Variants in AP3B1 observed in about 807,000 individuals in gnomAD.
AP3B1 encodes AP-3 complex subunit beta-1.
A neutral mutation model predicts 132.5 loss-of-function variants in AP3B1; 61 were observed. That is an observed-to-expected ratio of 0.46 (90% CI 0.37 to 0.57). AP3B1 has a LOEUF of 0.57. Among genes scored for constraint, AP3B1 ranks in the 20% least tolerant of loss-of-function variants. AP3B1 has a pLI of 0.00. For synonymous variants in AP3B1, 388 were observed against 438.3 expected, an observed-to-expected ratio of 0.89 and a Z score of 1.43; for missense variants, 1,120 against 1,289.4, an observed-to-expected ratio of 0.87 and a Z score of 2.01.
At chr5:78,144,151 T>C (rs2112332581) in intron 14 of AP3B1, among the ~76,000 whole-genome samples, 1 of 152,166 alleles carries the variant, frequency 6.6e-6, no homozygotes, top group Non-Finnish European at 1.5e-5. Flanking sequence ...GAGTCATACA[T>C]ATGATATAAT....
At chr5:78,055,016 GACACACACACACACACACACAC>G (rs3050076) in intron 22 of AP3B1, among the ~76,000 whole-genome samples, 2 of 144,644 alleles carry the variant, frequency 1.4e-5, no homozygotes, top group Non-Finnish European at 1.5e-5. Flanking sequence ...CAGACCTACA[GACACACACACACACACACACAC>G]ACACACACAC....
intron 1 of AP3B1, among the ~76,000 whole-genome samples, chr5:78,271,054 C>G (rs1173930803): frequency 6.6e-6 from 1 of 152,128 alleles, no homozygotes; most frequent in Non-Finnish European, 1.5e-5. Context: ...GGCACAAAGC[C>G]TCCACTTAAT....
At chr5:78,104,498 G>A (rs1014463888) in intron 20 of AP3B1, among the ~76,000 whole-genome samples, 1 of 151,974 alleles carries the variant, frequency 6.6e-6, no homozygotes, top group African/African-American at 2.4e-5. Context: ...TAAACTGAGA[G>A]GCAAGGCTTT....
rs575424569 is a variant in AP3B1 at position 78,092,417 on chromosome 5, C to A, written c.2471-2918G>T. Among the ~76,000 whole-genome samples, 165 of 152,262 alleles carry A rather than the reference C, an allele frequency of 1.1e-3. No individual in the cohort carries two copies. In the South Asian group the frequency reaches 0.015, roughly 13 times the overall value. ...TTGAAAGCTTACCCTAAAGTGAATT[C>A]TGAGGCTAGGTGACTGTGCTGAAGT... On this transcript the variant is annotated intron_variant, in intron 21 of 26. Coordinates refer to ENST00000255194, the MANE Select transcript of AP3B1 (RefSeq NM_003664.5).
intron 7 of AP3B1, among the ~76,000 whole-genome samples, chr5:78,212,642 A>C (rs561630397): frequency 6.6e-6 from 1 of 152,314 alleles, no homozygotes; most frequent in South Asian, 2.1e-4. Context: ...GAAACAACAC[A>C]TTCAAGTGTT....
intron 12 of AP3B1, 67 bp downstream of exon 12, chr5:78,165,543 A>G (rs769259909): frequency 4.2e-5 from 45 of 1,074,944 alleles, no homozygotes; most frequent in African/African-American, 7.8e-5. Flanking sequence ...TCTAGATAGA[A>G]AAAGATGCAT....
intron 24 of AP3B1, among the ~76,000 whole-genome samples, chr5:78,026,216 A>G (rs1020910461): frequency 9.9e-5 from 15 of 152,244 alleles, no homozygotes; most frequent in Middle Eastern, 3.2e-3. Context: ...AACAGTTACC[A>G]GATCAATGAA....
Position 78,166,117 on chromosome 5 carries a change from TCACACACACACACACACACACACA to T in AP3B1, c.1168-469_1168-446del, listed in dbSNP as rs70997970. ...CCTGGGAAACAAGACTGAAACTCTG[TCACACACACACACACACACACACA>T]CACACACACACACACACACACACAC... On this transcript the variant is annotated intron_variant, in intron 11 of 26. Coordinates refer to ENST00000255194, the MANE Select transcript of AP3B1 (RefSeq NM_003664.5). 1.4e-4 allele frequency among the ~76,000 whole-genome samples: 19 copies of T among 135,922 alleles called. No homozygotes were observed. The East Asian group carries it at 1.8e-3, about 13-fold the overall frequency. 89.2% of individuals were successfully genotyped at this position (135,922 alleles called of 152,430 possible). A position where few individuals can be genotyped will look rare whatever the true frequency, so the allele number is the denominator to read the frequency against.
At position 78,015,560 on chromosome 5, in the gene AP3B1, A is replaced by G. The variant is rs759178337; in HGVS notation, c.2993-12T>C. Reference sequence around the variant, plus strand: ...TCCTGTTAGCACTCCTGTAAAAGCAAAAGAAGGCTCCCTTTTATTAATTTC... The same window carrying G: ...TCCTGTTAGCACTCCTGTAAAAGCAGAAGAAGGCTCCCTTTTATTAATTTC... On this transcript the variant is annotated splice_polypyrimidine_tract_variant and intron_variant, in intron 25 of 26. Coordinates refer to ENST00000255194, the MANE Select transcript of AP3B1 (RefSeq NM_003664.5). The G allele has an allele frequency of 1.2e-6, 2 of 1,613,126 alleles. No homozygotes were observed. Among genetic ancestry groups the G allele is most frequent in the South Asian group, 2.2e-5 (2 of 90,916 alleles).
intron 2 of AP3B1, among the ~76,000 whole-genome samples, chr5:78,250,937 G>A (rs970073986): frequency 1.3e-5 from 2 of 152,282 alleles, no homozygotes; most frequent in African/African-American, 4.8e-5. Context: ...GGAAAGGTTA[G>A]AGAGGTCAAT....
intron 17 of AP3B1, among the ~76,000 whole-genome samples, chr5:78,123,707 G>C (rs1403355350): frequency 1.3e-5 from 2 of 151,974 alleles, no homozygotes; most frequent in East Asian, 3.9e-4. Flanking sequence ...AACAGGTGCT[G>C]GAGAGGATGT....
rs77436080 is a variant in AP3B1 at position 78,117,090 on chromosome 5, G to A, written c.1969-856C>T. 2.6e-3 allele frequency among the ~76,000 whole-genome samples: 390 copies of A among 149,820 alleles called. 4 individuals are homozygous for A. Among genetic ancestry groups the A allele is most frequent in the African/African-American group, 9.3e-3 (376 of 40,548 alleles). ...TGATCTGCTCTGGCCATGCCTTACTGTTCCTCCAAACGTCCCAGGCATGCT... is the reference window on the plus strand; with the variant it reads ...TGATCTGCTCTGGCCATGCCTTACTATTCCTCCAAACGTCCCAGGCATGCT... On this transcript the variant is annotated intron_variant, in intron 17 of 26. Coordinates refer to ENST00000255194, the MANE Select transcript of AP3B1 (RefSeq NM_003664.5).
chr5:78,153,417 C>CTT lies in AP3B1; in HGVS notation c.1473+2839_1473+2840dup, dbSNP rs151309501. On this transcript the variant is annotated intron_variant, in intron 14 of 26. Transcript: ENST00000255194. ...CAGCATGGAATGTCTTTTTCCATCC[C>CTT]TTTTTTTTTTCAGTCTATGTCTATC... 1.4e-5 allele frequency among the ~76,000 whole-genome samples: 2 copies of CTT among 147,372 alleles called. 1 individual carries two copies. Among genetic ancestry groups the CTT allele is most frequent in the African/African-American group, 5.0e-5 (2 of 40,226 alleles).
At chr5:78,127,252 T>G (rs767514228) in intron 17 of AP3B1, among the ~76,000 whole-genome samples, 3 of 152,214 alleles carry the variant, frequency 2.0e-5, no homozygotes, top group Non-Finnish European at 4.4e-5. Flanking sequence ...CCTAATTCAA[T>G]GTATCTTTTC....
intron 21 of AP3B1, among the ~76,000 whole-genome samples, chr5:78,096,185 A>T (rs923805943): frequency 4.6e-5 from 7 of 151,948 alleles, no homozygotes; most frequent in African/African-American, 7.3e-5. Flanking sequence ...TGGTTTTCGT[A>T]TTTTTTTGGT....
chr5:78,183,609 C>A (rs899936826), intron 7 of AP3B1, among the ~76,000 whole-genome samples: 3 of 152,184 alleles, frequency 2.0e-5, no homozygotes, highest in African/African-American at 7.2e-5. Context: ...GTGACCCATG[C>A]CTGTCATCCC....
chr5:78,101,295 C>T (rs983233690), intron 20 of AP3B1: 2 of 462,120 alleles, frequency 4.3e-6, no homozygotes, highest in Non-Finnish European at 8.1e-6. Context: ...AATTATTCTA[C>T]AATCGGACAA....
chr5:78,028,928 G>A (rs1300044385), intron 24 of AP3B1, among the ~76,000 whole-genome samples: 1 of 152,014 alleles, frequency 6.6e-6, no homozygotes, highest in Non-Finnish European at 1.5e-5. Context: ...TCTGTGCTTT[G>A]TCATCTTTCT....
At chr5:78,016,358 C>G (rs115099195) in intron 25 of AP3B1, among the ~76,000 whole-genome samples, 239 of 152,016 alleles carry the variant, frequency 1.6e-3, no homozygotes, top group African/African-American at 5.3e-3. Context: ...TGAACAAATT[C>G]AACAACATAC....
Sources: gnomAD v4.1 joint callset for allele counts (sites outside exome capture counted in the v4.1 genomes callset) on GRCh38, gnomAD v4.1.1 for gene constraint, MANE v1.5 for transcripts, NCBI Gene and HGNC (gene_info 2026-07-23, HGNC 2026-07-21) for gene names.